The following IFT140 variants were observed in gnomAD, a reference collection of about 807,000 sequenced individuals.
IFT140 encodes intraflagellar transport protein 140 homolog.
IFT140 carries 133 observed loss-of-function variants against 164.6 expected under a neutral mutation model. The ratio of observed to expected loss-of-function variants is 0.81; its 90% CI spans 0.70 to 0.93. The LOEUF (loss-of-function observed/expected upper bound fraction) is 0.93. IFT140 is among the 40% of genes least tolerant of loss of function. The pLI, the probability that IFT140 is intolerant of heterozygous loss-of-function variation, is 0.00. For synonymous variants in IFT140, 860 were observed against 817.3 expected, an observed-to-expected ratio of 1.05 and a Z score of -0.89; for missense variants, 2,045 against 1,972.3, an observed-to-expected ratio of 1.04 and a Z score of -0.70.
chr16:1,540,836 C>G (rs900034768), intron 19 of IFT140: 8 of 985,384 alleles, frequency 8.1e-6, no homozygotes, highest in African/African-American at 1.7e-5. Context: ...CAATAGAAAA[C>G]AAGGCATGGC....
At chr16:1,544,850 G>T (rs373007828) in intron 19 of IFT140, among the ~76,000 whole-genome samples, 2 of 149,234 alleles carry the variant, frequency 1.3e-5, no homozygotes, top group Non-Finnish European at 3.0e-5. Context: ...GGGTTTCACC[G>T]TGTTAGCCAG....
chr16:1,607,003 TACAC>T (rs376785546), intron 3 of IFT140, 113 bp downstream of exon 3: 15 of 968,636 alleles, frequency 1.5e-5, no homozygotes, highest in Non-Finnish European at 2.4e-5. Flanking sequence ...GATGCATGTA[TACAC>T]ACACACACCC....
At position 1,606,269 on chromosome 16, in the gene IFT140, C is replaced by T. The variant is rs144595678; in HGVS notation, c.147+851G>A. On this transcript the variant is annotated intron_variant, in intron 3 of 30. Coordinates refer to ENST00000426508, the MANE Select transcript of IFT140 (RefSeq NM_014714.4). ...TGACAGAGGAAGATGCCTCAGGATC[C>T]ACAAACAGCACTGTGGGGACATTTC... is the stretch of plus-strand genomic sequence containing the variant. 2.6e-3 allele frequency among the ~76,000 whole-genome samples: 401 copies of T among 152,352 alleles called. 2 individuals are homozygous for T. Among genetic ancestry groups the T allele is most frequent in the African/African-American group, 9.1e-3 (380 of 41,584 alleles).
chr16:1,528,317 ACGCATG>A, intron 19 of IFT140, among the ~76,000 whole-genome samples: 1 of 119,210 alleles, frequency 8.4e-6, no homozygotes, highest in African/African-American at 4.1e-5. Flanking sequence ...ACACACACGC[ACGCATG>A]CACGCACGTG....
At chr16:1,563,015 G>A (rs890095304) in intron 17 of IFT140, among the ~76,000 whole-genome samples, 6 of 152,082 alleles carry the variant, frequency 3.9e-5, no homozygotes, top group Non-Finnish European at 8.8e-5. Context: ...AGACAAGGGC[G>A]CATCATCACA....
At chr16:1,524,939 G>A (rs761308359) in intron 22 of IFT140, 23 bp from the exon 23 acceptor site, 9 of 1,589,364 alleles carry the variant, frequency 5.7e-6, no homozygotes, top group Middle Eastern at 3.7e-4. Context: ...CAAGACCATG[G>A]ATTCTCCACC....
chr16:1,543,715 A>C (rs112598453), intron 19 of IFT140, among the ~76,000 whole-genome samples: 2 of 152,224 alleles, frequency 1.3e-5, no homozygotes, highest in Non-Finnish European at 2.9e-5. Flanking sequence ...GCATGACTGC[A>C]GGGAAAACAT....
intron 19 of IFT140, among the ~76,000 whole-genome samples, chr16:1,546,451 G>A (rs970429659): frequency 6.6e-6 from 1 of 152,208 alleles, no homozygotes; most frequent in Non-Finnish European, 1.5e-5. Context: ...CCTTCCCCTG[G>A]TGTGATCTGT....
chr16:1,541,902 C>G (rs779135537), intron 19 of IFT140: 9 of 1,574,442 alleles, frequency 5.7e-6, no homozygotes, highest in Non-Finnish European at 7.8e-6. Context: ...ACCACTGCCT[C>G]TCTGCTCTTG....
chr16:1,540,264 A>G (rs2031504311), intron 19 of IFT140, among the ~76,000 whole-genome samples: 1 of 152,202 alleles, frequency 6.6e-6, no homozygotes, highest in Admixed American at 6.5e-5. Flanking sequence ...GTGAATCCAG[A>G]TTGCATTTCA....
intron 19 of IFT140, among the ~76,000 whole-genome samples, chr16:1,539,009 C>T (rs1161888906): frequency 2.6e-5 from 4 of 151,620 alleles, no homozygotes; most frequent in African/African-American, 7.3e-5. Flanking sequence ...TGCCACGCGG[C>T]CCCCCACCTC....
intron 19 of IFT140, among the ~76,000 whole-genome samples, chr16:1,545,332 G>A (rs775427912): frequency 3.9e-5 from 6 of 152,148 alleles, no homozygotes; most frequent in Non-Finnish European, 7.4e-5. Context: ...CTGGTGTCTC[G>A]GTGGCTTTTC....
chr16:1,564,090 G>A lies in IFT140; in HGVS notation c.1974C>T (p.Pro658=), dbSNP rs768412481. 1.8e-5 allele frequency: 29 copies of A among 1,604,280 alleles called. No individual in the cohort carries two copies. The South Asian group carries it at 3.0e-4, about 16-fold the overall frequency. Reference sequence around the variant, plus strand: ...GCACGGCTTCGCATACAAACAGCCGGGGCTCACTCTGGTCCCAGAAGTGGT... The same window carrying A: ...GCACGGCTTCGCATACAAACAGCCGAGGCTCACTCTGGTCCCAGAAGTGGT... The part of the protein sequence containing the change: ...PVNHFWDQSE[P]RLFVCEAVQE... The change falls in exon 17 of 31, where the codon CCC becomes CCT. Residue 658 remains proline, a synonymous_variant. Coordinates refer to ENST00000426508, the MANE Select transcript of IFT140 (RefSeq NM_014714.4). This position sits in a 1 kb window ranked among gnomAD's most constrained non-coding sequence, Gnocchi z 5.5.
Position 1,602,442 on chromosome 16 carries a change from G to A in IFT140, c.297C>T (p.Pro99=). ...CGGTGATGTCGGCTGTGTGTGTCAGGGGCATCGTGTGCTGCTCCTTGTCCT... is the reference window on the plus strand; with the variant it reads ...CGGTGATGTCGGCTGTGTGTGTCAGAGGCATCGTGTGCTGCTCCTTGTCCT... ...NKQDKEQHTM[P]LTHTADITVL... is the part of the protein sequence containing the mutation. The change falls in exon 4 of 31, where the codon CCC becomes CCT. Residue 99 remains proline, a synonymous_variant. Coordinates refer to ENST00000426508, the MANE Select transcript of IFT140 (RefSeq NM_014714.4). The A allele has an allele frequency of 6.2e-7, 1 of 1,614,224 alleles. No homozygotes were observed. The highest frequency in any genetic ancestry group is 1.1e-5 in the South Asian group (1 of 91,086).
chr16:1,607,140 C>G lies in IFT140; in HGVS notation c.127G>C (p.Val43Leu). 2.5e-6 allele frequency: 4 copies of G among 1,614,150 alleles called. No homozygotes were observed. The highest frequency in any genetic ancestry group is 3.4e-6 in the Non-Finnish European group (4 of 1,180,010). Reference protein sequence around the residue: ...AYISTTSTGSVDIYLEQGECV... With the variant: ...AYISTTSTGSLDIYLEQGECV... Reference sequence around the variant, plus strand: ...CTCACTTGCTCCAGGTAAATATCCACGCTGCCTGTTGAGGTTGTGCTGATG... The same window carrying G: ...CTCACTTGCTCCAGGTAAATATCCAGGCTGCCTGTTGAGGTTGTGCTGATG... The change falls in exon 3 of 31, where the codon GTG becomes CTG. Residue 43 changes from valine (V) to leucine (L), a missense_variant. Coordinates refer to ENST00000426508, the MANE Select transcript of IFT140 (RefSeq NM_014714.4).
At chr16:1,552,259 C>T (rs8050274) in intron 19 of IFT140, among the ~76,000 whole-genome samples, 7,999 of 152,198 alleles carry the variant, frequency 0.053, 436 homozygotes, top group Admixed American at 0.17. Context: ...CTCCCGCCCT[C>T]GAGGGTCTCA....
chr16:1,578,194 C>T (rs1044565973), intron 13 of IFT140: 2 of 152,046 alleles, frequency 1.3e-5, no homozygotes, highest in African/African-American at 2.4e-5. Flanking sequence ...GGGGCCCACC[C>T]GCTTCCGTCT....
intron 19 of IFT140, among the ~76,000 whole-genome samples, chr16:1,537,247 C>G (rs2031168058): frequency 6.6e-6 from 1 of 152,266 alleles, no homozygotes; most frequent in Non-Finnish European, 1.5e-5. Context: ...CAACGCCACA[C>G]CGCGTGCCTC....
chr16:1,601,188 C>T (rs1464699102), intron 4 of IFT140, among the ~76,000 whole-genome samples: 2 of 150,330 alleles, frequency 1.3e-5, no homozygotes, highest in Non-Finnish European at 2.9e-5. Context: ...CGCTTGAACT[C>T]AGGATGTAGA....
Sources: allele counts gnomAD v4.1 joint callset (sites outside exome capture counted in the v4.1 genomes callset), GRCh38; gene constraint gnomAD v4.1.1; non-coding constraint Gnocchi (gnomAD v3.1); transcripts MANE v1.5; gene names NCBI Gene and HGNC (gene_info 2026-07-23, HGNC 2026-07-21).